CRYBG1: variants seen among roughly 807,000 people sequenced by gnomAD.
CRYBG1 encodes beta/gamma crystallin domain-containing protein 1.
Under a neutral mutation model 189.2 loss-of-function variants are expected in CRYBG1, and 139 were observed. That is an observed-to-expected ratio of 0.73 (90% CI 0.64 to 0.85). The LOEUF is 0.85. Ranked by LOEUF, CRYBG1 falls within the 40% of genes least tolerant of loss-of-function variation. The probability of loss-of-function intolerance (pLI) is 0.00; values close to 1 mark genes in which losing one functional copy is unlikely to be tolerated. For missense variants in CRYBG1, 2,611 were observed against 2,675.8 expected, an observed-to-expected ratio of 0.98 and a Z score of 0.53; for synonymous variants, 1,023 against 1,017.1, an observed-to-expected ratio of 1.01 and a Z score of -0.11.
chr6:106,374,006 CTG>C (rs1250825211), intron 1 of CRYBG1, among the ~76,000 whole-genome samples: 1 of 152,214 alleles, frequency 6.6e-6, no homozygotes, highest in Non-Finnish European at 1.5e-5. Flanking sequence ...TTTTCAGTGA[CTG>C]TGTTTGTCAC....
chr6:106,410,578 T>C (rs1021357249), intron 1 of CRYBG1, among the ~76,000 whole-genome samples: 2 of 152,218 alleles, frequency 1.3e-5, no homozygotes, highest in Non-Finnish European at 2.9e-5. Flanking sequence ...TGCACACATA[T>C]GTTTATTGCA....
intron 1 of CRYBG1, among the ~76,000 whole-genome samples, chr6:106,389,822 G>T (rs1028795237): frequency 1.3e-5 from 2 of 151,842 alleles, no homozygotes; most frequent in Non-Finnish European, 2.9e-5. Context: ...TGGTTCAGTC[G>T]ACTCCTATAG....
chr6:106,381,177 G>T (rs1770280686), intron 1 of CRYBG1, among the ~76,000 whole-genome samples: 2 of 152,158 alleles, frequency 1.3e-5, no homozygotes, highest in South Asian at 2.1e-4. Flanking sequence ...ATACAGCATA[G>T]AAGAATTTAA....
At chr6:106,549,961 G>GC (rs1421896206) in intron 13 of CRYBG1, among the ~76,000 whole-genome samples, 4 of 152,194 alleles carry the variant, frequency 2.6e-5, no homozygotes, top group African/African-American at 9.7e-5. Flanking sequence ...AGGGCACATG[G>GC]CAGGTTGGGT....
At chr6:106,402,922 T>C (rs1194461722) in intron 1 of CRYBG1, among the ~76,000 whole-genome samples, 1 of 152,194 alleles carries the variant, frequency 6.6e-6, no homozygotes, top group African/African-American at 2.4e-5. Context: ...ATTTAAGGAC[T>C]GAAATGTAAG....
intron 1 of CRYBG1, among the ~76,000 whole-genome samples, chr6:106,435,954 G>T (rs1771444857): frequency 6.6e-6 from 1 of 152,090 alleles, no homozygotes; most frequent in African/African-American, 2.4e-5. Flanking sequence ...GGGAATTATT[G>T]ACCTAAGAAA....
chr6:106,381,611 C>T (rs1770289423), intron 1 of CRYBG1, among the ~76,000 whole-genome samples: 1 of 152,194 alleles, frequency 6.6e-6, no homozygotes, highest in African/African-American at 2.4e-5. Flanking sequence ...AATTATAATG[C>T]CAGTTTCCAC....
At chr6:106,408,156 A>G (rs1206951543) in intron 1 of CRYBG1, among the ~76,000 whole-genome samples, 3 of 152,192 alleles carry the variant, frequency 2.0e-5, no homozygotes, top group African/African-American at 4.8e-5. Context: ...AAAAGAGAAG[A>G]ATCAAATAGA....
chr6:106,563,131 A>G (rs900017091), intron 20 of CRYBG1, among the ~76,000 whole-genome samples: 10 of 152,242 alleles, frequency 6.6e-5, no homozygotes, highest in African/African-American at 2.2e-4. Context: ...CATGACTGCC[A>G]TACATTATTT....
At chr6:106,387,112 A>G (rs1474884840) in intron 1 of CRYBG1, among the ~76,000 whole-genome samples, 1 of 152,234 alleles carries the variant, frequency 6.6e-6, no homozygotes, top group Non-Finnish European at 1.5e-5. Flanking sequence ...GAAAATATCC[A>G]GAGGTGGAAC....
At chr6:106,535,135 C>T (rs1418347622) in intron 8 of CRYBG1, among the ~76,000 whole-genome samples, 1 of 152,244 alleles carries the variant, frequency 6.6e-6, no homozygotes, top group Admixed American at 6.5e-5. Context: ...AACAATCCCC[C>T]GTGGACCCAC....
Position 106,525,398 on chromosome 6 carries a change from A to T in CRYBG1, c.4412+12A>T, listed in dbSNP as rs1411034050. The T allele has an allele frequency of 1.9e-6, 3 of 1,593,996 alleles. No homozygotes were observed. Among genetic ancestry groups the T allele is most frequent in the African/African-American group, 2.7e-5 (2 of 74,674 alleles). ...GTTGTTAGAGGATGGTAAGAATGGCACTTTAAGTTCCTGATGTCAAGTGTT... is the reference window on the plus strand; with the variant it reads ...GTTGTTAGAGGATGGTAAGAATGGCTCTTTAAGTTCCTGATGTCAAGTGTT... On this transcript the variant is annotated intron_variant, in intron 6 of 21. Coordinates refer to ENST00000633556, the MANE Select transcript of CRYBG1 (RefSeq NM_001371242.2).
rs544133314 is a variant in CRYBG1, at chr6:106,397,478, G to A, written c.173+36397G>A. On this transcript the variant is annotated intron_variant, in intron 1 of 21. Transcript: ENST00000633556. ...AAATTGCATCAAATAAGACAAACAT[G>A]AAGTAAGAGGTTAGGAGCTTTATGG... Among the ~76,000 whole-genome samples, 6 of 152,322 alleles carry A rather than the reference G, an allele frequency of 3.9e-5. No individual in the cohort carries two copies. The South Asian group carries it at 1.2e-3, about 32-fold the overall frequency.
At position 106,520,317 on chromosome 6, in the gene CRYBG1, ACT is replaced by A. The variant is rs147638688; in HGVS notation, c.3112_3113del (p.Leu1038AlafsTer16). 2.4e-5 allele frequency: 39 copies of A among 1,613,284 alleles called. No homozygotes were observed. The highest frequency in any genetic ancestry group is 3.1e-5 in the Non-Finnish European group (37 of 1,179,846). On this transcript the variant is annotated frameshift_variant, in exon 4 of 22. Coordinates refer to ENST00000633556, the MANE Select transcript of CRYBG1 (RefSeq NM_001371242.2). LOFTEE classifies it high-confidence loss of function. The part of the protein sequence containing the change: ...PQVIPPASEK[T>X]LPIQAQSQGS... Reference sequence around the variant, plus strand: ...AGTCATACCGCCAGCATCAGAGAAAACTCTGCCTATTCAGGCTCAAAGTCAGG... The same window carrying A: ...AGTCATACCGCCAGCATCAGAGAAAACTGCCTATTCAGGCTCAAAGTCAGG...
rs71012714 is a variant in CRYBG1, at chr6:106,555,192, GAAA to G, written c.5586-564_5586-562del. ...CGCCACCAAAAGAAAAGAAAAAAAG[GAAA>G]AAAAAAAAAAAGGCCCACAAACTTC... On this transcript the variant is annotated intron_variant, in intron 16 of 21. Transcript: ENST00000633556. Among the ~76,000 whole-genome samples the G allele has an allele frequency of 4.1e-3, 585 of 143,030 alleles. 8 individuals carry two copies. The highest frequency in any genetic ancestry group is 2.9e-3 in the Non-Finnish European group (193 of 66,548). The allele number at this position is 143,030 out of a possible 152,430, so 93.8% of individuals were successfully genotyped here. A position where few individuals can be genotyped will look rare whatever the true frequency, so the allele number is the denominator to read the frequency against.
At chr6:106,510,119 G>A (rs1399177770) in intron 2 of CRYBG1, among the ~76,000 whole-genome samples, 1 of 152,184 alleles carries the variant, frequency 6.6e-6, no homozygotes, top group Non-Finnish European at 1.5e-5. Context: ...GCTCTTTCCT[G>A]CGTCGCCAGG....
chr6:106,408,029 A>G (rs1770856846), intron 1 of CRYBG1, among the ~76,000 whole-genome samples: 1 of 152,212 alleles, frequency 6.6e-6, no homozygotes, highest in Admixed American at 6.5e-5. Flanking sequence ...AGATCAGAAC[A>G]GAACTGAAGG....
chr6:106,469,066 C>T (rs1772170986), intron 2 of CRYBG1, among the ~76,000 whole-genome samples: 1 of 152,216 alleles, frequency 6.6e-6, no homozygotes, highest in Non-Finnish European at 1.5e-5. Context: ...GCTCCTGCCC[C>T]TGCCCAACTC....
chr6:106,473,697 G>C (rs1301817806), intron 2 of CRYBG1, among the ~76,000 whole-genome samples: 1 of 152,202 alleles, frequency 6.6e-6, no homozygotes, highest in Non-Finnish European at 1.5e-5. Context: ...TGAATGGCAA[G>C]AATTTTAAAT....
Sources: gnomAD v4.1 joint callset for allele counts (sites outside exome capture counted in the v4.1 genomes callset) on GRCh38, gnomAD v4.1.1 for gene constraint, MANE v1.5 for transcripts, NCBI Gene and HGNC (gene_info 2026-07-23, HGNC 2026-07-21) for gene names.